GABRG2: variants seen among roughly 807,000 people sequenced by gnomAD.
GABRG2 encodes the protein gamma-aminobutyric acid receptor subunit gamma-2.
Under a neutral mutation model 56.4 loss-of-function variants are expected in GABRG2, and 16 were observed. The observed-to-expected ratio is 0.28, with a 90% confidence interval of 0.19 to 0.43. The LOEUF is 0.43. Among genes scored for constraint, GABRG2 ranks in the 20% least tolerant of loss-of-function variants. The pLI is 1.00. For missense variants in GABRG2, 327 were observed against 582.7 expected, an observed-to-expected ratio of 0.56 and a Z score of 4.52; for synonymous variants, 208 against 205.5, an observed-to-expected ratio of 1.01 and a Z score of -0.10.
At chr5:162,147,566 A>G (rs1765058753) in intron 7 of GABRG2, among the ~76,000 whole-genome samples, 1 of 152,026 alleles carries the variant, frequency 6.6e-6, no homozygotes, top group Non-Finnish European at 1.5e-5. Flanking sequence ...AGGTTTCACT[A>G]TGTTGGTCAG....
intron 6 of GABRG2, among the ~76,000 whole-genome samples, chr5:162,112,580 A>G (rs986433052): frequency 6.6e-6 from 1 of 152,232 alleles, no homozygotes; most frequent in African/African-American, 2.4e-5. Flanking sequence ...CATTGCAGAT[A>G]CGCACTTTTA....
At chr5:162,069,783 A>C (rs1277311122) in intron 1 of GABRG2, among the ~76,000 whole-genome samples, 1 of 152,160 alleles carries the variant, frequency 6.6e-6, no homozygotes, top group Non-Finnish European at 1.5e-5. Flanking sequence ...TAATTTTTTG[A>C]TTCAAAATTT....
At chr5:162,130,331 G>T (rs1385325252) in intron 6 of GABRG2, among the ~76,000 whole-genome samples, 1 of 151,818 alleles carries the variant, frequency 6.6e-6, no homozygotes, top group Non-Finnish European at 1.5e-5. Context: ...AACATTTTGT[G>T]ATTTGACCTT....
intron 6 of GABRG2, among the ~76,000 whole-genome samples, chr5:162,110,481 C>G (rs1298383636): frequency 2.6e-5 from 4 of 152,014 alleles, no homozygotes; most frequent in African/African-American, 7.2e-5. Flanking sequence ...TAGCTTCCAC[C>G]TTTTAGGCTG....
At chr5:162,101,694 G>A (rs1761431819) in intron 5 of GABRG2, 1 of 212,190 alleles carries the variant, frequency 4.7e-6, no homozygotes, top group South Asian at 7.6e-5. Context: ...AGGGACTATA[G>A]CAGCACATTG....
At chr5:162,072,479 A>G (rs1398303396) in intron 1 of GABRG2, among the ~76,000 whole-genome samples, 1 of 152,076 alleles carries the variant, frequency 6.6e-6, no homozygotes, top group Non-Finnish European at 1.5e-5. Flanking sequence ...GCACAATTCA[A>G]ATGCTTAAAG....
At chr5:162,151,677 C>A in intron 8 of GABRG2, 53 bp from the exon 9 acceptor site, 1 of 1,383,944 alleles carries the variant, frequency 7.2e-7, no homozygotes. Context: ...CATTTTTTTT[C>A]TCCTTTTTAT....
chr5:162,142,561 A>C (rs1451276966), intron 7 of GABRG2: 10 of 400,562 alleles, frequency 2.5e-5, no homozygotes, highest in Non-Finnish European at 9.5e-6. Context: ...ATGGAATACT[A>C]TGCAGCCATA....
At chr5:162,123,348 G>C (rs977121560) in intron 6 of GABRG2, among the ~76,000 whole-genome samples, 2 of 151,164 alleles carry the variant, frequency 1.3e-5, no homozygotes, top group African/African-American at 4.9e-5. Context: ...CTCTAATAAT[G>C]TTCTAGGCAT....
Position 162,089,248 on chromosome 5 carries a change from G to A in GABRG2, c.108-4580G>A, listed in dbSNP as rs149705018. ...GATTTCCAGAACTTAATTAATTCTC[G>A]GGTAACATGATGATGTACGGAACAA... is the stretch of plus-strand genomic sequence containing the variant. On this transcript the variant is annotated intron_variant, in intron 1 of 9. Transcript: ENST00000639213. 3.3e-5 allele frequency among the ~76,000 whole-genome samples: 5 copies of A among 152,164 alleles called. No homozygotes were observed. In the East Asian group the frequency reaches 7.7e-4, roughly 24 times the overall value.
chr5:162,101,842 C>T (rs1022044776), intron 5 of GABRG2: 6 of 157,940 alleles, frequency 3.8e-5, no homozygotes, highest in African/African-American at 1.4e-4. Context: ...TAGAATGTAG[C>T]AAGAGGATCC....
intron 6 of GABRG2, among the ~76,000 whole-genome samples, chr5:162,121,047 T>A (rs901628180): frequency 6.6e-6 from 1 of 152,148 alleles, no homozygotes; most frequent in Non-Finnish European, 1.5e-5. Context: ...TACTTATTCA[T>A]GCGAATCATT....
At chr5:162,091,846 G>A (rs964831515) in intron 1 of GABRG2, among the ~76,000 whole-genome samples, 1 of 152,000 alleles carries the variant, frequency 6.6e-6, no homozygotes, top group African/African-American at 2.4e-5. Context: ...AACAAACTAA[G>A]CAATTTAGTA....
At chr5:162,075,019 T>A (rs1447165065) in intron 1 of GABRG2, among the ~76,000 whole-genome samples, 1 of 152,112 alleles carries the variant, frequency 6.6e-6, no homozygotes, top group Non-Finnish European at 1.5e-5. Context: ...TTCCTTCTAT[T>A]GCTAAACAAA....
chr5:162,087,071 T>G (rs1467227099), intron 1 of GABRG2, among the ~76,000 whole-genome samples: 1 of 152,060 alleles, frequency 6.6e-6, no homozygotes, highest in Non-Finnish European at 1.5e-5. Flanking sequence ...TCTTTTCCCT[T>G]TTATTTAAGA....
chr5:162,100,340 AAAT>A (rs1221911993), intron 4 of GABRG2: 1 of 152,148 alleles, frequency 6.6e-6, no homozygotes, highest in African/African-American at 2.4e-5. Context: ...AATTTTCCTA[AAAT>A]AATACTTTCC....
At chr5:162,147,516 C>G (rs558384774) in intron 7 of GABRG2, among the ~76,000 whole-genome samples, 1 of 152,084 alleles carries the variant, frequency 6.6e-6, no homozygotes, top group African/African-American at 2.4e-5. Context: ...AGGCACCCAC[C>G]ACCAAGCCCA....
chr5:162,121,962 T>C (rs1358351559), intron 6 of GABRG2, among the ~76,000 whole-genome samples: 3 of 152,178 alleles, frequency 2.0e-5, no homozygotes, highest in Admixed American at 2.0e-4. Context: ...ATAGAAACTA[T>C]GCATGCATAA....
intron 3 of GABRG2, among the ~76,000 whole-genome samples, chr5:162,096,574 G>T (rs1302359904): frequency 6.6e-6 from 1 of 152,030 alleles, no homozygotes; most frequent in Non-Finnish European, 1.5e-5. Flanking sequence ...ATTACTTGTA[G>T]ACTGTAAAAA....
Sources: gnomAD v4.1 joint callset for allele counts (sites outside exome capture counted in the v4.1 genomes callset) on GRCh38, gnomAD v4.1.1 for gene constraint, MANE v1.5 for transcripts, NCBI Gene and HGNC (gene_info 2026-07-23, HGNC 2026-07-21) for gene names.